Variants in CERK observed in about 807,000 individuals in gnomAD.
The protein encoded by CERK is acylsphingosine kinase.
A neutral mutation model predicts 63.4 loss-of-function variants in CERK; 39 were observed. The observed-to-expected ratio is 0.61, with a 90% CI of 0.48 to 0.80. The LOEUF is 0.80. Among genes scored for constraint, CERK ranks in the 30% least tolerant of loss-of-function variants. The pLI, the probability that CERK is intolerant of heterozygous loss-of-function variation, is 0.00. For missense variants in CERK, 670 were observed against 714.1 expected, an observed-to-expected ratio of 0.94 and a Z score of 0.70; for synonymous variants, 302 against 280.0, an observed-to-expected ratio of 1.08 and a Z score of -0.78.
chr22:46,702,175 C>A (rs1270823059), intron 6 of CERK, among the ~76,000 whole-genome samples: 3 of 58,010 alleles, frequency 5.2e-5, no homozygotes, highest in South Asian at 6.5e-4. Flanking sequence ...GAGACTTCGT[C>A]TCAAAAAAAA....
At chr22:46,702,295 A>T (rs1334730704) in intron 6 of CERK, among the ~76,000 whole-genome samples, 3 of 126,268 alleles carry the variant, frequency 2.4e-5, no homozygotes, top group East Asian at 2.3e-4. Flanking sequence ...GCATAACAAA[A>T]TTTTTTTTTT....
At position 46,714,398 on chromosome 22, in the gene CERK, C is replaced by T. The variant is rs143766507; in HGVS notation, c.380-2105G>A. ...GGTCGAGGCTGCAGTGAGCTATGGT[C>T]GTGCCACTGCACTCCAGCCTGGGCT... On this transcript the variant is annotated intron_variant, in intron 3 of 12. Transcript: ENST00000216264. The surrounding 1 kb of genome is among the most constrained non-coding windows in gnomAD (Gnocchi z 4.4). 3.9e-5 allele frequency among the ~76,000 whole-genome samples: 6 copies of T among 152,234 alleles called. No individual in the cohort carries two copies. In the East Asian group the frequency reaches 1.2e-3, roughly 29 times the overall value.
chr22:46,689,979 C>A lies in CERK; in HGVS notation c.1541+13G>T, dbSNP rs944365497. 1.9e-6 allele frequency: 3 copies of A among 1,588,254 alleles called. No individual in the cohort carries two copies. Among genetic ancestry groups the A allele is most frequent in the Non-Finnish European group, 2.6e-6 (3 of 1,171,598 alleles). ...GGGGATGGCGCTGGTGGCTGGAGGA[C>A]CCCTGCACGCACCTGACCTCGATGG... On this transcript the variant is annotated intron_variant, in intron 12 of 12. Coordinates refer to ENST00000216264, the MANE Select transcript of CERK (RefSeq NM_022766.6).
chr22:46,716,166 G>A (rs1490984079), intron 3 of CERK, among the ~76,000 whole-genome samples: 1 of 151,918 alleles, frequency 6.6e-6, no homozygotes, highest in East Asian at 1.9e-4. Context: ...CTCCGGCCTG[G>A]GTGGCAGAAC....
At chr22:46,728,246 AG>A (rs1364183339) in intron 1 of CERK, among the ~76,000 whole-genome samples, 1 of 152,114 alleles carries the variant, frequency 6.6e-6, no homozygotes, top group African/African-American at 2.4e-5. Flanking sequence ...GGGGTGTCCA[AG>A]GGCTCCAGGG....
At position 46,701,641 on chromosome 22, in the gene CERK, A is replaced by G. The variant is rs2082784899; in HGVS notation, c.785T>C (p.Val262Ala). Reference protein sequence around the residue: ...SDAETSALHIVVGDSLAMDVS... With the variant: ...SDAETSALHIAVGDSLAMDVS... ...TGCGCAGAGGAGGGGCTCACCAACA[A>G]CGATATGCAGCGCCGAGGTTTCTGC... The change falls in exon 7 of 13, where the codon GTT (valine) becomes GCT (alanine). Residue 262 changes from valine (V) to alanine (A), a missense_variant. Physicochemically the swap from Val to Ala is moderately conservative, Grantham distance 64 (BLOSUM62 0). Transcript: ENST00000216264. The G allele has an allele frequency of 6.4e-7, 1 of 1,557,000 alleles. No homozygotes were observed. Among genetic ancestry groups the G allele is most frequent in the Non-Finnish European group, 8.7e-7 (1 of 1,150,248 alleles).
chr22:46,738,230 C>CGGGGCGG lies in CERK; in HGVS notation c.-83_-82insCCGCCCC. On this transcript the variant is annotated 5_prime_UTR_variant, in exon 1 of 13. Transcript: ENST00000216264. ...GACCGTTAGCGGCCCCTGCAGTGGC[C>CGGGGCGG]CGGGCGGCGGGCGGCGGGCGGCGGG... is the stretch of plus-strand genomic sequence containing the variant. 1 of 513,558 alleles carries CGGGGCGG rather than the reference C, an allele frequency of 1.9e-6. No individual in the cohort carries two copies. The highest frequency in any genetic ancestry group is 2.5e-6 in the Non-Finnish European group (1 of 407,194). The allele number at this position is 513,558 out of a possible 1,614,324, so 31.8% of individuals were successfully genotyped here.
intron 1 of CERK, among the ~76,000 whole-genome samples, chr22:46,732,441 G>T (rs915721576): frequency 6.6e-6 from 1 of 152,010 alleles, no homozygotes; most frequent in Non-Finnish European, 1.5e-5. Flanking sequence ...ATTGGGTGGG[G>T]GGGACGGGAA....
chr22:46,691,471 C>T (rs1018996322), intron 11 of CERK, 101 bp downstream of exon 11: 30 of 1,021,248 alleles, frequency 2.9e-5, no homozygotes, highest in Non-Finnish European at 3.7e-5. Flanking sequence ...GCCCTTCCTT[C>T]CCTTGAATTA....
rs112485175 is a variant in CERK at position 46,698,656 on chromosome 22, C to T, written c.943+657G>A. ...TTGTAATCCCAGCACTTTGGGAGGC[C>T]GAGGTGGGCAGATTGCTTGAGCTCA... On this transcript the variant is annotated intron_variant, in intron 8 of 12. Coordinates refer to ENST00000216264, the MANE Select transcript of CERK (RefSeq NM_022766.6). Among the ~76,000 whole-genome samples, 63 of 151,924 alleles carry T rather than the reference C, an allele frequency of 4.1e-4. 2 individuals carry two copies. The highest frequency in any genetic ancestry group is 1.1e-3 in the Admixed American group (17 of 15,242).
Position 46,691,647 on chromosome 22 carries a change from G to A in CERK, c.1257C>T (p.Asp419=). The part of the protein sequence containing the change: ...PAAHLGDGSS[D]LILIRKCSRF... ...TGGAGCATTTCCGGATGAGGATGAG[G>A]TCAGAAGACCCGTCTCCCAAGTGGG... Residue 419 remains aspartate, a synonymous_variant, in exon 11 of 13, where the codon GAC becomes GAT. Transcript: ENST00000216264. The A allele has an allele frequency of 6.2e-7, 1 of 1,614,024 alleles. No homozygotes were observed. Among genetic ancestry groups the A allele is most frequent in the Non-Finnish European group, 8.5e-7 (1 of 1,180,026 alleles).
intron 11 of CERK, 58 bp downstream of exon 11, chr22:46,691,513 GA>G (rs2082731345): frequency 7.2e-7 from 1 of 1,383,882 alleles, no homozygotes; most frequent in African/African-American, 1.4e-5. Context: ...ATAAACCAGG[GA>G]CTGCTGGAAC....
At chr22:46,704,365 A>T (rs976231007) in intron 6 of CERK, among the ~76,000 whole-genome samples, 1 of 152,248 alleles carries the variant, frequency 6.6e-6, no homozygotes, top group African/African-American at 2.4e-5. Flanking sequence ...TTTCTTGCAA[A>T]CAAGGTAAGA....
At chr22:46,698,518 T>G (rs1390279477) in intron 8 of CERK, among the ~76,000 whole-genome samples, 2 of 152,218 alleles carry the variant, frequency 1.3e-5, no homozygotes, top group Non-Finnish European at 2.9e-5. Flanking sequence ...CAGAAGAGCT[T>G]CCACACAGAT....
At chr22:46,701,742 A>G (rs1382049956) in intron 6 of CERK, 32 bp from the exon 7 acceptor site, 6 of 1,516,562 alleles carry the variant, frequency 4.0e-6, no homozygotes, top group Non-Finnish European at 5.4e-6. Context: ...CCCAAATAGC[A>G]TCAGAATAAC....
At chr22:46,708,485 C>G (rs2082824849) in intron 5 of CERK, among the ~76,000 whole-genome samples, 1 of 152,232 alleles carries the variant, frequency 6.6e-6, no homozygotes, top group East Asian at 1.9e-4. Flanking sequence ...GAGAGCACGA[C>G]TCTAGCTCAG....
intron 1 of CERK, among the ~76,000 whole-genome samples, chr22:46,735,680 C>A (rs1368977586): frequency 1.3e-5 from 2 of 152,202 alleles, no homozygotes; most frequent in African/African-American, 4.8e-5. Flanking sequence ...CACCTCTCAT[C>A]ATTCCTCAAC....
Position 46,684,774 on chromosome 22 carries a change from C to T in CERK, c.*2360G>A, listed in dbSNP as rs1290428828. 2 of 152,156 alleles carry T rather than the reference C, an allele frequency of 1.3e-5. No individual in the cohort carries two copies. Among genetic ancestry groups the T allele is most frequent in the African/African-American group, 2.4e-5 (1 of 41,426 alleles). 9.4% of individuals were successfully genotyped at this position (152,156 alleles called of 1,614,324 possible). A position where few individuals can be genotyped will look rare whatever the true frequency, so the allele number is the denominator to read the frequency against. On this transcript the variant is annotated 3_prime_UTR_variant, in exon 13 of 13. Coordinates refer to ENST00000216264, the MANE Select transcript of CERK (RefSeq NM_022766.6). ...ATGTCTGCCGCATCTGAAAGGCTGC[C>T]CCGGAAATCAGAGCCTATCTAGCGG...
In CERK at chr22:46,711,624, C is replaced by T. The variant is rs568673935; in HGVS notation, c.506-475G>A. ...GACTTATTAATCCTTTGTGTCTCCT[C>T]TTTTGAGAATTTTCTGTCCAGAATC... On this transcript the variant is annotated intron_variant, in intron 4 of 12. Coordinates refer to ENST00000216264, the MANE Select transcript of CERK (RefSeq NM_022766.6). Among the ~76,000 whole-genome samples, 3 of 152,322 alleles carry T rather than the reference C, an allele frequency of 2.0e-5. No homozygotes were observed. In the South Asian group the frequency reaches 6.2e-4, roughly 32 times the overall value.
Sources: allele counts gnomAD v4.1 joint callset (sites outside exome capture counted in the v4.1 genomes callset), GRCh38; gene constraint gnomAD v4.1.1; non-coding constraint Gnocchi (gnomAD v3.1); transcripts MANE v1.5; gene names NCBI Gene and HGNC (gene_info 2026-07-23, HGNC 2026-07-21).